NXPE1: variants seen among roughly 807,000 people sequenced by gnomAD.
NXPE1 encodes the protein neurexophilin and PC-esterase domain family member 1, also known as NXPE family member 1.
In NXPE1, 31 loss-of-function variants were observed where a neutral mutation model predicts 33.3. The ratio of observed to expected loss-of-function variants is 0.93; its 90% CI spans 0.70 to 1.26. The LOEUF is 1.26. NXPE1 is among the 50% of genes most tolerant of loss of function. The pLI is 0.00. For missense variants in NXPE1, 661 were observed against 655.6 expected (o/e 1.01, Z -0.09); for synonymous variants, 229 against 231.4 (o/e 0.99, Z 0.09).
chr11:114,523,495 A>T (rs1947278439), intron 7 of NXPE1, among the ~76,000 whole-genome samples: 1 of 152,190 alleles, frequency 6.6e-6, no homozygotes, highest in Non-Finnish European at 1.5e-5. Flanking sequence ...TGAAGGAATG[A>T]ATAATCTTAA....
At chr11:114,552,124 G>A (rs79756663) in intron 2 of NXPE1, 39 bp from the exon 3 acceptor site, 1 of 152,192 alleles carries the variant, frequency 6.6e-6, no homozygotes, top group African/African-American at 2.4e-5. Flanking sequence ...CAAAGGATCA[G>A]TTTAGAGTTG....
intron 5 of NXPE1, among the ~76,000 whole-genome samples, chr11:114,537,309 C>A (rs945331337): frequency 9.9e-5 from 15 of 152,096 alleles, no homozygotes; most frequent in Non-Finnish European, 1.5e-5. Flanking sequence ...CTATGACAAC[C>A]CCACAGCCAA....
intron 7 of NXPE1, among the ~76,000 whole-genome samples, chr11:114,525,974 G>A (rs1457906828): frequency 1.3e-5 from 2 of 152,176 alleles, no homozygotes; most frequent in Non-Finnish European, 2.9e-5. Flanking sequence ...ACCAGGGTAT[G>A]GCCTTTGAGA....
chr11:114,550,954 C>T (rs1948459457), intron 5 of NXPE1, 149 bp downstream of exon 5: 1 of 572,040 alleles, frequency 1.7e-6, no homozygotes, highest in African/African-American at 1.9e-5. Flanking sequence ...TCCACAATGC[C>T]TCTAAGGAGT....
chr11:114,521,456 T>C (rs1947209246), downstream of NXPE1, among the ~76,000 whole-genome samples: 1 of 152,220 alleles, frequency 6.6e-6, no homozygotes. Flanking sequence ...ATTTGCTTTC[T>C]GGCATAACAA....
At chr11:114,530,682 C>G (rs758771460) in exon 6 of NXPE1, 12 of 1,613,924 alleles carry the variant, frequency 7.4e-6, no homozygotes, top group Admixed American at 1.7e-5. Context: ...GTATGTATCT[C>G]GAGGGTTGAG....
rs781055560 is a variant in NXPE1 at position 114,522,401 on chromosome 11, G to A, written c.1211C>T (p.Pro404Leu). The A allele has an allele frequency of 7.4e-6, 12 of 1,613,918 alleles. No homozygotes were observed. In the Admixed American group the frequency reaches 1.3e-4, roughly 18 times the overall value. Reference sequence around the variant, plus strand: ...AGAGTAGAGCTGGAAAGTGACGAAGGGATAGCTATGTTTTTTCCATTGAAT... The same window carrying A: ...AGAGTAGAGCTGGAAAGTGACGAAGAGATAGCTATGTTTTTTCCATTGAAT... Residue 404 changes from proline (P) to leucine (L), a missense_variant, in exon 9 of 9, where the codon CCC becomes CTC. Transcript: ENST00000534921.
intron 5 of NXPE1, among the ~76,000 whole-genome samples, chr11:114,532,261 A>G (rs757240915): frequency 4.0e-5 from 6 of 150,738 alleles, no homozygotes; most frequent in Non-Finnish European, 7.3e-5. Flanking sequence ...GAAGTTTTGA[A>G]AAAACCTTGG....
In NXPE1 at chr11:114,539,310, C is replaced by G. The variant is rs562584584; in HGVS notation, c.100-8402G>C. The stretch of plus-strand genomic sequence containing the variant: ...TGGTCTGGGGAGGGGGGAGGGATAG[C>G]ATTAGGAGATATACCTATTGCTAAA... On this transcript the variant is annotated intron_variant, in intron 5 of 8. Transcript: ENST00000534921. Among the ~76,000 whole-genome samples, 29 of 151,784 alleles carry G rather than the reference C, an allele frequency of 1.9e-4. 1 individual carries two copies. The South Asian group carries it at 5.4e-3, about 28-fold the overall frequency.
intron 7 of NXPE1, among the ~76,000 whole-genome samples, chr11:114,524,257 C>T (rs1173644512): frequency 8.8e-6 from 1 of 113,534 alleles, no homozygotes; most frequent in Non-Finnish European, 1.7e-5. Flanking sequence ...AAAGGATAGC[C>T]ATGGGTCTAG....
exon 6 of NXPE1, chr11:114,530,777 T>C (rs764936120): frequency 9.9e-6 from 16 of 1,614,126 alleles, no homozygotes; most frequent in Non-Finnish European, 1.4e-5. Flanking sequence ...CTAGTTTCTC[T>C]ATGATTTCCT....
intron 7 of NXPE1, among the ~76,000 whole-genome samples, chr11:114,525,566 C>A (rs780198429): frequency 2.0e-5 from 3 of 152,080 alleles, no homozygotes; most frequent in African/African-American, 7.2e-5. Context: ...CAGCTTCCCC[C>A]TTCCCCCCTT....
chr11:114,523,113 A>G (rs1947266171), intron 7 of NXPE1, 22 bp from the exon 8 acceptor site: 1 of 1,574,196 alleles, frequency 6.4e-7, no homozygotes, highest in Non-Finnish European at 8.7e-7. Context: ...GACACTCGTA[A>G]ATGATTTTAT....
At chr11:114,548,732 C>T (rs1038357053) in intron 5 of NXPE1, among the ~76,000 whole-genome samples, 5 of 150,628 alleles carry the variant, frequency 3.3e-5, no homozygotes, top group Admixed American at 6.6e-5. Context: ...AATTAAACAC[C>T]CAGTTAAAAA....
intron 5 of NXPE1, among the ~76,000 whole-genome samples, chr11:114,535,061 C>T (rs1397562979): frequency 6.6e-6 from 1 of 152,158 alleles, no homozygotes; most frequent in East Asian, 1.9e-4. Flanking sequence ...AAGGGAAGCC[C>T]ATCAGACTAA....
At chr11:114,523,439 G>A (rs1947276622) in intron 7 of NXPE1, among the ~76,000 whole-genome samples, 1 of 152,078 alleles carries the variant, frequency 6.6e-6, no homozygotes, top group African/African-American at 2.4e-5. Flanking sequence ...TTAGTGGTCT[G>A]CCAGTTGGTG....
At chr11:114,537,450 G>A (rs1282281646) in intron 5 of NXPE1, among the ~76,000 whole-genome samples, 1 of 152,146 alleles carries the variant, frequency 6.6e-6, no homozygotes, top group Non-Finnish European at 1.5e-5. Context: ...GCAGGAGAAG[G>A]GGATAAAGGG....
chr11:114,530,098 G>A, intron 6 of NXPE1, 77 bp downstream of exon 6: 1 of 1,418,536 alleles, frequency 7.0e-7, no homozygotes, highest in Non-Finnish European at 9.5e-7. Context: ...CATGCTCAAT[G>A]TTGCAATGGG....
At chr11:114,531,023 T>G in intron 5 of NXPE1, 115 bp from the exon 6 acceptor site, 3 of 1,112,724 alleles carry the variant, frequency 2.7e-6, no homozygotes, top group South Asian at 2.4e-5. Flanking sequence ...ATTCAATTTG[T>G]TACCAAATTG....
Sources: allele counts gnomAD v4.1 joint callset (sites outside exome capture counted in the v4.1 genomes callset), GRCh38; gene constraint gnomAD v4.1.1; transcripts MANE v1.5; gene names NCBI Gene and HGNC (gene_info 2026-07-23, HGNC 2026-07-21).